UST: variants seen among roughly 807,000 people sequenced by gnomAD.
The protein encoded by UST is uronyl 2-sulfotransferase.
Under a neutral mutation model 45.6 loss-of-function variants are expected in UST, and 21 were observed. That is an observed-to-expected ratio of 0.46 (90% CI 0.33 to 0.66). The LOEUF (loss-of-function observed/expected upper bound fraction) is 0.66. UST is among the 30% of genes least tolerant of loss of function. The pLI, the probability that UST is intolerant of heterozygous loss-of-function variation, is 0.02. For synonymous variants in UST, 215 were observed against 200.6 expected (o/e 1.07, Z -0.61); for missense variants, 463 against 512.4 (o/e 0.90, Z 0.93).
intron 1 of UST, among the ~76,000 whole-genome samples, chr6:148,777,650 C>T (rs2054661): frequency 0.44 from 67,314 of 151,970 alleles, 15,266 homozygotes; most frequent in Non-Finnish European, 0.5. Context: ...GTTCCAGTGA[C>T]TCTCCTGCCT....
At chr6:149,061,861 GT>G (rs1776659846) in intron 7 of UST, among the ~76,000 whole-genome samples, 1 of 152,194 alleles carries the variant, frequency 6.6e-6, no homozygotes, top group African/African-American at 2.4e-5. Flanking sequence ...TTGAATGACT[GT>G]TTTCCTTCTA....
chr6:148,778,610 T>G (rs1170008666), intron 1 of UST, among the ~76,000 whole-genome samples: 3 of 152,190 alleles, frequency 2.0e-5, no homozygotes. Flanking sequence ...CACTCTGGTG[T>G]GGGGTGCAGT....
chr6:148,887,322 T>C (rs992801523), intron 2 of UST, among the ~76,000 whole-genome samples: 3 of 152,238 alleles, frequency 2.0e-5, no homozygotes, highest in Non-Finnish European at 4.4e-5. Context: ...CATTTTCATT[T>C]GCCTTGGCAT....
chr6:148,863,470 T>C (rs1778358871), intron 1 of UST, among the ~76,000 whole-genome samples: 1 of 152,120 alleles, frequency 6.6e-6, no homozygotes, highest in Non-Finnish European at 1.5e-5. Context: ...GAGAAGTTTG[T>C]TATTACTGAT....
intron 2 of UST, among the ~76,000 whole-genome samples, chr6:148,891,988 T>C (rs1779027481): frequency 6.6e-6 from 1 of 152,236 alleles, no homozygotes; most frequent in Non-Finnish European, 1.5e-5. Flanking sequence ...CCATCCCACA[T>C]TCATTTAGCA....
chr6:148,958,542 T>C (rs759878863), intron 4 of UST, among the ~76,000 whole-genome samples: 3 of 152,220 alleles, frequency 2.0e-5, no homozygotes, highest in Non-Finnish European at 2.9e-5. Flanking sequence ...TTAAGTAGGA[T>C]TTTTAATATT....
intron 2 of UST, among the ~76,000 whole-genome samples, chr6:148,922,632 A>G (rs1334072332): frequency 9.9e-6 from 1 of 101,406 alleles, no homozygotes; most frequent in Non-Finnish European, 2.0e-5. Context: ...AGGAGTACCT[A>G]GGTACTTTTT....
intron 1 of UST, among the ~76,000 whole-genome samples, chr6:148,823,269 A>G (rs1777500390): frequency 6.6e-6 from 1 of 152,256 alleles, no homozygotes; most frequent in South Asian, 2.1e-4. Context: ...ATTTTTATCT[A>G]AATAAAGCAA....
At position 149,039,994 on chromosome 6, in the gene UST, G is replaced by A. The variant is rs182326038; in HGVS notation, c.937+18513G>A. On this transcript the variant is annotated intron_variant, in intron 7 of 7. Coordinates refer to ENST00000367463, the MANE Select transcript of UST (RefSeq NM_005715.3). ...TGTAAAGCATGGTTACTCACCGAGCGTGTCTGGGACAAATACCTGGACATG... is the reference window on the plus strand; with the variant it reads ...TGTAAAGCATGGTTACTCACCGAGCATGTCTGGGACAAATACCTGGACATG... Among the ~76,000 whole-genome samples, 5 of 152,308 alleles carry A rather than the reference G, an allele frequency of 3.3e-5. No individual in the cohort carries two copies. The South Asian group carries it at 6.2e-4, about 19-fold the overall frequency.
intron 7 of UST, among the ~76,000 whole-genome samples, chr6:149,073,511 A>G (rs935901829): frequency 2.6e-5 from 4 of 152,226 alleles, no homozygotes; most frequent in Admixed American, 2.6e-4. Context: ...TCAAGAAATA[A>G]AAGAGGGAAA....
At chr6:148,880,994 A>C (rs1022346107) in intron 1 of UST, among the ~76,000 whole-genome samples, 1 of 151,602 alleles carries the variant, frequency 6.6e-6, no homozygotes, top group Non-Finnish European at 1.5e-5. Flanking sequence ...ACACCACTGC[A>C]CTCCAGCCTG....
intron 2 of UST, among the ~76,000 whole-genome samples, chr6:148,908,472 T>C (rs1185663700): frequency 6.6e-6 from 1 of 152,224 alleles, no homozygotes; most frequent in African/African-American, 2.4e-5. Flanking sequence ...TGGTGGTATA[T>C]ATTTTTATTT....
intron 1 of UST, among the ~76,000 whole-genome samples, chr6:148,881,453 T>C (rs9485336): frequency 0.06 from 9,127 of 152,172 alleles, 448 homozygotes; most frequent in African/African-American, 0.13. Context: ...AATGAACTGA[T>C]TTACCCATAG....
At chr6:148,969,623 C>A (rs562406195) in intron 5 of UST, among the ~76,000 whole-genome samples, 1 of 152,274 alleles carries the variant, frequency 6.6e-6, no homozygotes, top group South Asian at 2.1e-4. Context: ...TGCTCCCACC[C>A]CCTTGGCTCC....
chr6:148,885,017 T>C (rs758322089), intron 1 of UST, among the ~76,000 whole-genome samples: 1 of 152,134 alleles, frequency 6.6e-6, no homozygotes, highest in Non-Finnish European at 1.5e-5. Flanking sequence ...CAAATAGGGT[T>C]CTGTTTTGGA....
At chr6:148,820,004 C>T (rs1019991300) in intron 1 of UST, among the ~76,000 whole-genome samples, 4 of 152,154 alleles carry the variant, frequency 2.6e-5, no homozygotes, top group Admixed American at 6.5e-5. Context: ...CCTCTCTCTC[C>T]GGGTGCCAGC....
At chr6:148,885,412 T>G in intron 1 of UST, among the ~76,000 whole-genome samples, 1 of 152,198 alleles carries the variant, frequency 6.6e-6, no homozygotes. Context: ...TATAACCTCT[T>G]TACTAAATCC....
intron 2 of UST, among the ~76,000 whole-genome samples, chr6:148,897,460 T>G (rs147267612): frequency 0.015 from 2,203 of 150,388 alleles, 58 homozygotes; most frequent in African/African-American, 0.047. Flanking sequence ...GATTACAGGC[T>G]TGAGCCACCA....
At chr6:148,966,093 G>A (rs982891016) in intron 5 of UST, among the ~76,000 whole-genome samples, 10 of 151,698 alleles carry the variant, frequency 6.6e-5, no homozygotes, top group Admixed American at 5.3e-4. Context: ...GCATGGTGGC[G>A]CATGCCTGTG....
Sources: gnomAD v4.1 joint callset for allele counts (sites outside exome capture counted in the v4.1 genomes callset) on GRCh38, gnomAD v4.1.1 for gene constraint, MANE v1.5 for transcripts, NCBI Gene and HGNC (gene_info 2026-07-23, HGNC 2026-07-21) for gene names.